The following GLS variants were observed in gnomAD, a reference collection of about 807,000 sequenced individuals.
GLS encodes glutaminase, also known as glutaminase kidney isoform, mitochondrial.
In GLS, 36 loss-of-function variants were observed where a neutral mutation model predicts 86.7. The ratio of observed to expected loss-of-function variants is 0.42; its 90% confidence interval spans 0.32 to 0.55. The LOEUF is 0.55. GLS is among the 20% of genes least tolerant of loss of function. The pLI is 0.17. For missense variants in GLS, 528 were observed against 833.4 expected, an observed-to-expected ratio of 0.63 and a Z score of 4.51; for synonymous variants, 317 against 305.9, an observed-to-expected ratio of 1.04 and a Z score of -0.38.
Position 190,909,330 on chromosome 2 carries a change from A to G in GLS, c.980-933A>G, listed in dbSNP as rs115356616. Reference sequence around the variant, plus strand: ...TATATTTATTTGTAATGAGAAGACAAAGTATGCTTTCTTAACAATTTTCAA... The same window carrying G: ...TATATTTATTTGTAATGAGAAGACAGAGTATGCTTTCTTAACAATTTTCAA... On this transcript the variant is annotated intron_variant, in intron 6 of 17. Transcript: ENST00000320717. Among the ~76,000 whole-genome samples, 855 of 152,318 alleles carry G rather than the reference A, an allele frequency of 5.6e-3. 9 individuals are homozygous for G. Among genetic ancestry groups the G allele is most frequent in the African/African-American group, 0.019 (810 of 41,564 alleles).
chr2:190,884,980 A>T (rs971453894), intron 1 of GLS, among the ~76,000 whole-genome samples: 1 of 152,238 alleles, frequency 6.6e-6, no homozygotes, highest in African/African-American at 2.4e-5. Flanking sequence ...ATGTTTGCAT[A>T]TCTACATGAA....
chr2:190,951,396 G>C lies in GLS; in HGVS notation c.1651-2169G>C, dbSNP rs1482991860. The stretch of plus-strand genomic sequence containing the variant: ...GCTGAAGGGAGAACAATAGGGTCAA[G>C]TGTTGCTTTTTAAAAATAGGATGAA... On this transcript the variant is annotated intron_variant, in intron 14 of 17. Coordinates refer to ENST00000320717, the MANE Select transcript of GLS (RefSeq NM_014905.5). The surrounding 1 kb of genome is among the most constrained non-coding windows in gnomAD (Gnocchi z 4.2). 1.3e-5 allele frequency among the ~76,000 whole-genome samples: 2 copies of C among 152,134 alleles called. No individual in the cohort carries two copies. The highest frequency in any genetic ancestry group is 2.9e-5 in the Non-Finnish European group (2 of 68,030).
At chr2:190,910,187 A>G in intron 6 of GLS, 76 bp from the exon 7 acceptor site, 1 of 884,766 alleles carries the variant, frequency 1.1e-6, no homozygotes, top group East Asian at 2.6e-5. Flanking sequence ...GCTTTTTCCA[A>G]GGTCATTTTT....
intron 7 of GLS, among the ~76,000 whole-genome samples, chr2:190,911,230 T>A (rs968928521): frequency 1.3e-5 from 2 of 152,012 alleles, no homozygotes; most frequent in Admixed American, 1.3e-4. Flanking sequence ...CCTGGTTACA[T>A]GAAGGATATT....
Position 190,956,484 on chromosome 2 carries a change from A to G in GLS, c.1853+1666A>G, listed in dbSNP as rs1690863767. On this transcript the variant is annotated intron_variant, in intron 17 of 17. Coordinates refer to ENST00000320717, the MANE Select transcript of GLS (RefSeq NM_014905.5). This position sits in a 1 kb window ranked among gnomAD's most constrained non-coding sequence, Gnocchi z 4.2. ...GTGTATCTATTTTGGTATCAGTACC[A>G]TACTGTTTTGATTACTGTAGCCTTG... 6.6e-6 allele frequency among the ~76,000 whole-genome samples: 1 copy of G among 152,186 alleles called. No homozygotes were observed. The highest frequency in any genetic ancestry group is 2.4e-5 in the African/African-American group (1 of 41,446).
Position 190,897,333 on chromosome 2 carries a change from ATGT to A in GLS, c.605+1613_605+1615del, listed in dbSNP as rs1156571542. On this transcript the variant is annotated intron_variant, in intron 3 of 17. Coordinates refer to ENST00000320717, the MANE Select transcript of GLS (RefSeq NM_014905.5). This position sits in a 1 kb window ranked among gnomAD's most constrained non-coding sequence, Gnocchi z 4.3. The stretch of plus-strand genomic sequence containing the variant: ...GAAAAAATATTTATGTTTTGTAAAC[ATGT>A]TGTTATGTTTAAATATGAAATTAAA... Among the ~76,000 whole-genome samples, 5 of 152,202 alleles carry A rather than the reference ATGT, an allele frequency of 3.3e-5. No individual in the cohort carries two copies. Among genetic ancestry groups the A allele is most frequent in the Admixed American group, 6.5e-5 (1 of 15,278 alleles).
rs1486604172 is a variant in GLS, at chr2:190,954,879, C to A, written c.1853+61C>A. The A allele has an allele frequency of 1.8e-6, 2 of 1,088,764 alleles. No individual in the cohort carries two copies. Among genetic ancestry groups the A allele is most frequent in the Admixed American group, 4.5e-5 (2 of 44,790 alleles). The allele number at this position is 1,088,764 out of a possible 1,614,324, so 67.4% of individuals were successfully genotyped here. On this transcript the variant is annotated intron_variant, in intron 17 of 17. Coordinates refer to ENST00000320717, the MANE Select transcript of GLS (RefSeq NM_014905.5). The surrounding 1 kb of genome is among the most constrained non-coding windows in gnomAD (Gnocchi z 4.0). Reference sequence around the variant, plus strand: ...TTTTATTATGCAGGACTGTAATATTCAAGTGATGATAATATTTCAACCTAC... The same window carrying A: ...TTTTATTATGCAGGACTGTAATATTAAAGTGATGATAATATTTCAACCTAC...
chr2:190,885,410 G>A (rs1376455882), intron 1 of GLS, among the ~76,000 whole-genome samples: 1 of 152,134 alleles, frequency 6.6e-6, no homozygotes, highest in African/African-American at 2.4e-5. Flanking sequence ...GGCTGGTCTT[G>A]AACTCCTGAC....
Position 190,964,936 on chromosome 2 carries a change from AAG to A in GLS, c.*1955_*1956del, listed in dbSNP as rs1691088784. On this transcript the variant is annotated 3_prime_UTR_variant, in exon 18 of 18. Coordinates refer to ENST00000320717, the MANE Select transcript of GLS (RefSeq NM_014905.5). This position sits in a 1 kb window ranked among gnomAD's most constrained non-coding sequence, Gnocchi z 5.2. Reference sequence around the variant, plus strand: ...AGGTTCTAACCATTATTTGGGAACAAAGAGAGTTTTCATCTTTTTTCAGATCA... The same window carrying A: ...AGGTTCTAACCATTATTTGGGAACAAAGAGTTTTCATCTTTTTTCAGATCA... The A allele has an allele frequency of 1.3e-5, 2 of 152,206 alleles. No individual in the cohort carries two copies. The highest frequency in any genetic ancestry group is 2.1e-4 in the South Asian group (1 of 4,828). 9.4% of individuals were successfully genotyped at this position (152,206 alleles called of 1,614,324 possible).
chr2:190,939,052 C>G (rs1690352593), intron 14 of GLS, among the ~76,000 whole-genome samples: 1 of 151,656 alleles, frequency 6.6e-6, no homozygotes, highest in African/African-American at 2.4e-5. Flanking sequence ...TAGTCAAGTT[C>G]TAAACAAATG....
Position 190,895,487 on chromosome 2 carries a change from T to C in GLS, c.484-117T>C. Reference sequence around the variant, plus strand: ...GTAATAGTGACACTAAGATGCCATATTCATGTTCAAGTGTTGGGTAGAAGT... The same window carrying C: ...GTAATAGTGACACTAAGATGCCATACTCATGTTCAAGTGTTGGGTAGAAGT... On this transcript the variant is annotated intron_variant, in intron 2 of 17. Coordinates refer to ENST00000320717, the MANE Select transcript of GLS (RefSeq NM_014905.5). The surrounding 1 kb of genome is among the most constrained non-coding windows in gnomAD (Gnocchi z 4.2). 1.5e-6 allele frequency: 1 copy of C among 680,254 alleles called. No homozygotes were observed. The highest frequency in any genetic ancestry group is 2.7e-5 in the East Asian group (1 of 37,494). The allele number at this position is 680,254 out of a possible 1,614,324, so 42.1% of individuals were successfully genotyped here. A position where few individuals can be genotyped will look rare whatever the true frequency, so the allele number is the denominator to read the frequency against.
intron 7 of GLS, among the ~76,000 whole-genome samples, chr2:190,911,622 A>G (rs576655269): frequency 1.3e-5 from 2 of 152,258 alleles, no homozygotes; most frequent in African/African-American, 2.4e-5. Flanking sequence ...ATGGGTCCTT[A>G]TAAGAAAATT....
chr2:190,904,502 A>G (rs1326808865), intron 5 of GLS, among the ~76,000 whole-genome samples: 1 of 152,156 alleles, frequency 6.6e-6, no homozygotes, highest in Non-Finnish European at 1.5e-5. Context: ...CTTAAAATAA[A>G]CATAGGTCAA....
intron 1 of GLS, chr2:190,882,148 TG>T (rs1270849213): frequency 6.6e-6 from 1 of 152,206 alleles, no homozygotes; most frequent in Non-Finnish European, 1.5e-5. Flanking sequence ...ACCACCTGTT[TG>T]CATAAGGGAC....
intron 6 of GLS, among the ~76,000 whole-genome samples, chr2:190,908,236 C>G (rs1324540863): frequency 6.6e-6 from 1 of 151,958 alleles, no homozygotes; most frequent in African/African-American, 2.4e-5. Context: ...AATATAATAC[C>G]GAAAATATAA....
In GLS at chr2:190,910,329, G is replaced by C; in HGVS notation, c.1038+8G>C. ...GTGACTTCACTAATAAAGGTAAAATGTTGATGTTTCATTTTAACCTAGTAA... is the reference window on the plus strand; with the variant it reads ...GTGACTTCACTAATAAAGGTAAAATCTTGATGTTTCATTTTAACCTAGTAA... On this transcript the variant is annotated splice_region_variant and intron_variant, in intron 7 of 17. Transcript: ENST00000320717. 2 of 1,516,864 alleles carry C rather than the reference G, an allele frequency of 1.3e-6. No homozygotes were observed. The allele number at this position is 1,516,864 out of a possible 1,614,324, so 94.0% of individuals were successfully genotyped here.
chr2:190,920,982 G>T lies in GLS; in HGVS notation c.1039-42G>T, dbSNP rs772513634. 9.4e-7 allele frequency: 1 copy of T among 1,065,762 alleles called. No homozygotes were observed. Among genetic ancestry groups the T allele is most frequent in the Non-Finnish European group, 1.5e-6 (1 of 685,428 alleles). The allele number at this position is 1,065,762 out of a possible 1,614,324, so 66.0% of individuals were successfully genotyped here. A position where few individuals can be genotyped will look rare whatever the true frequency, so the allele number is the denominator to read the frequency against. On this transcript the variant is annotated intron_variant, in intron 7 of 17. Coordinates refer to ENST00000320717, the MANE Select transcript of GLS (RefSeq NM_014905.5). This position sits in a 1 kb window ranked among gnomAD's most constrained non-coding sequence, Gnocchi z 4.2. The stretch of plus-strand genomic sequence containing the variant: ...TATTGGCTTGAAACTTAACTGTAGT[G>T]GTACCTATATTAACGTATTTATGTC...
chr2:190,919,780 G>A (rs1464490528), intron 7 of GLS: 4 of 375,546 alleles, frequency 1.1e-5, no homozygotes, highest in Non-Finnish European at 1.5e-5. Flanking sequence ...TATGTCAAAG[G>A]ATACTTTAGA....
rs1255580220 is a variant in GLS at position 190,947,033 on chromosome 2, A to ATT, written c.1651-6531_1651-6530insTT. 1.3e-5 allele frequency among the ~76,000 whole-genome samples: 2 copies of ATT among 152,248 alleles called. No homozygotes were observed. The highest frequency in any genetic ancestry group is 4.1e-4 in the South Asian group (2 of 4,836). ...CTGTCAGGGATTTTTAAAAACAACT[A>ATT]TAACTGTTTAAAATGTTGAATGTTT... On this transcript the variant is annotated intron_variant, in intron 14 of 17. Transcript: ENST00000320717. The surrounding 1 kb of genome is among the most constrained non-coding windows in gnomAD (Gnocchi z 5.0).
Sources: allele counts gnomAD v4.1 joint callset (sites outside exome capture counted in the v4.1 genomes callset), GRCh38; gene constraint gnomAD v4.1.1; non-coding constraint Gnocchi (gnomAD v3.1); transcripts MANE v1.5; gene names NCBI Gene and HGNC (gene_info 2026-07-23, HGNC 2026-07-21).